Variants in CYFIP1 observed in about 807,000 individuals in gnomAD.
CYFIP1 encodes cytoplasmic FMR1 interacting protein 1.
In CYFIP1, 58 loss-of-function variants were observed where a neutral mutation model predicts 163.5. The observed-to-expected ratio is 0.35, with a 90% CI of 0.29 to 0.44. The LOEUF is 0.44. CYFIP1 is among the 20% of genes least tolerant of loss of function. The pLI is 1.00. For missense variants in CYFIP1, 1,338 were observed against 1,653.8 expected, an observed-to-expected ratio of 0.81 and a Z score of 3.31; for synonymous variants, 663 against 660.7, an observed-to-expected ratio of 1.00 and a Z score of -0.05.
Position 22,909,363 on chromosome 15 carries a change from C to T in CYFIP1, c.2269-50G>A, listed in dbSNP as rs144990778. ...AGGTAAAGAGTGGACATGAGCAGCTCGAAAACAACAAACGCCTCACCAGAG... is the reference window on the plus strand; with the variant it reads ...AGGTAAAGAGTGGACATGAGCAGCTTGAAAACAACAAACGCCTCACCAGAG... On this transcript the variant is annotated intron_variant, in intron 20 of 30. Transcript: ENST00000617928. 5.0e-6 allele frequency: 8 copies of T among 1,602,706 alleles called. No homozygotes were observed. In the African/African-American group the frequency reaches 5.4e-5, roughly 11 times the overall value.
intron 1 of CYFIP1, among the ~76,000 whole-genome samples, chr15:22,959,515 C>T (rs897065946): frequency 3.0e-4 from 45 of 152,214 alleles, no homozygotes; most frequent in Admixed American, 2.7e-3. Flanking sequence ...TGGCGTGGCC[C>T]GCATGGCCGG....
intron 23 of CYFIP1, among the ~76,000 whole-genome samples, chr15:22,890,841 C>T (rs1464269239): frequency 4.0e-5 from 6 of 151,352 alleles, no homozygotes; most frequent in Admixed American, 1.3e-4. Context: ...AGGGGCACAG[C>T]GGAGGCCGCA....
intron 27 of CYFIP1, 77 bp downstream of exon 27, chr15:22,875,122 G>T: frequency 7.3e-7 from 1 of 1,368,136 alleles, no homozygotes; most frequent in Non-Finnish European, 1.0e-6. Flanking sequence ...CTGGTCCTTA[G>T]CTCTCCGGTT....
At chr15:22,875,600 C>T (rs1177275311) in intron 26 of CYFIP1, 1 of 241,958 alleles carries the variant, frequency 4.1e-6, no homozygotes, top group South Asian at 6.5e-5. Context: ...CCAGGATTTA[C>T]CTGTCTAAAA....
At position 22,879,980 on chromosome 15, in the gene CYFIP1, A is replaced by G; in HGVS notation, c.2975T>C (p.Val992Ala). 1 of 1,613,752 alleles carries G rather than the reference A, an allele frequency of 6.2e-7. No individual in the cohort carries two copies. ...CACCTCCCGCAGGTTCTGGAAGCAC[A>G]CCGTCTTCAGCTCTGCGTACTCCAC... is the stretch of plus-strand genomic sequence containing the variant. ...DIVEYAELKT[V>A]CFQNLREVGN... Residue 992 changes from valine (V) to alanine (A), a missense_variant, in exon 26 of 31, where the codon GTG becomes GCG. Coordinates refer to ENST00000617928, the MANE Select transcript of CYFIP1 (RefSeq NM_014608.6).
At chr15:22,916,744 G>A (rs1397299592) in intron 15 of CYFIP1, 114 bp from the exon 16 acceptor site, 1 of 1,612,142 alleles carries the variant, frequency 6.2e-7, no homozygotes, top group South Asian at 1.1e-5. Context: ...TGGTCGGGAG[G>A]GCCCCGCACC....
intron 22 of CYFIP1, among the ~76,000 whole-genome samples, chr15:22,902,597 T>C (rs2060431498): frequency 6.6e-6 from 1 of 152,204 alleles, no homozygotes; most frequent in Non-Finnish European, 1.5e-5. Context: ...TTGAGGAAAA[T>C]GGACACCATA....
chr15:22,944,491 TG>T, intron 5 of CYFIP1, 66 bp downstream of exon 5: 2 of 1,027,730 alleles, frequency 1.9e-6, no homozygotes, highest in Non-Finnish European at 1.5e-6. Flanking sequence ...GTGACAGTGA[TG>T]GGTAGGAAGG....
intron 13 of CYFIP1, among the ~76,000 whole-genome samples, chr15:22,922,738 T>G (rs1433858081): frequency 6.6e-6 from 1 of 152,178 alleles, no homozygotes; most frequent in Admixed American, 6.5e-5. Context: ...ATGCCTGTAA[T>G]CCTACCACTT....
At chr15:22,894,292 T>C (rs1287292124) in intron 22 of CYFIP1, among the ~76,000 whole-genome samples, 10 of 143,096 alleles carry the variant, frequency 7.0e-5, no homozygotes, top group Non-Finnish European at 1.4e-4. Flanking sequence ...TTTTTTTTTT[T>C]TTTTTTTTTT....
rs575122688 is a variant in CYFIP1, at chr15:22,892,216, G to A, written c.2676+674C>T. Among the ~76,000 whole-genome samples the A allele has an allele frequency of 2.4e-3, 372 of 152,300 alleles. 4 individuals are homozygous for A. Among genetic ancestry groups the A allele is most frequent in the Middle Eastern group, 3.4e-3 (1 of 294 alleles). On this transcript the variant is annotated intron_variant, in intron 23 of 30. Transcript: ENST00000617928. ...ATTTGCTCTGCTCTATTTTTGTGGGGTATCTGCTCATTTCATCTCTCTTCG... is the reference window on the plus strand; with the variant it reads ...ATTTGCTCTGCTCTATTTTTGTGGGATATCTGCTCATTTCATCTCTCTTCG...
chr15:22,980,168 T>C (rs1199045953), intron 1 of CYFIP1, 119 bp downstream of exon 1: 1 of 4,434 alleles, frequency 2.3e-4, no homozygotes, highest in South Asian at 3.9e-3. Context: ...GCCGCCGGGG[T>C]TGGGGGGGAG....
rs75353098 is a variant in CYFIP1 at position 22,889,635 on chromosome 15, C to G, written c.2676+3255G>C. Among the ~76,000 whole-genome samples the G allele has an allele frequency of 3.5e-3, 535 of 152,312 alleles. 8 individuals carry two copies. The East Asian group carries it at 0.05, about 14-fold the overall frequency. On this transcript the variant is annotated intron_variant, in intron 23 of 30. Transcript: ENST00000617928. ...ACGCAGTCGGGTCGCCTGCCTACCC[C>G]CCGCCTGCCTCCCTCGCTTCCACAG...
chr15:22,900,110 A>C (rs58079895), intron 22 of CYFIP1, among the ~76,000 whole-genome samples: 10,915 of 152,226 alleles, frequency 0.072, 579 homozygotes, highest in South Asian at 0.22. Context: ...GAGGGTCACC[A>C]CATATGTGTC....
chr15:22,913,544 A>AAAG (rs1354887078), intron 17 of CYFIP1, among the ~76,000 whole-genome samples: 3 of 147,668 alleles, frequency 2.0e-5, no homozygotes, highest in African/African-American at 7.5e-5. Context: ...AAAAAAAAAA[A>AAAG]AAAAAAAGAA....
Position 22,918,813 on chromosome 15 carries a change from C to G in CYFIP1, c.1405G>C (p.Glu469Gln). ...CGGATGGCGTGGTTGAACACGCTCT[C>G]CATCCTGCCCATCAGCACCTGCAGG... Reference protein sequence around the residue: ...KGLQVLMGRMESVFNHAIRHT... With the variant: ...KGLQVLMGRMQSVFNHAIRHT... Residue 469 changes from glutamate to glutamine, a missense_variant, in exon 14 of 31, where the codon GAG becomes CAG. By Grantham distance (29) the Glu-to-Gln change is conservative (BLOSUM62 2). Around this residue, in one of 4 missense-constraint regions of CYFIP1, gnomAD observed 824 missense variants for 995.7 expected, o/e 0.83. Transcript: ENST00000617928. 6.2e-7 allele frequency: 1 copy of G among 1,612,906 alleles called. No individual in the cohort carries two copies.
At chr15:22,911,248 G>C (rs2060778945) in intron 18 of CYFIP1, among the ~76,000 whole-genome samples, 1 of 152,164 alleles carries the variant, frequency 6.6e-6, no homozygotes, top group Non-Finnish European at 1.5e-5. Context: ...ATAAACTGCA[G>C]TGTGGCCAGG....
At chr15:22,930,389 C>CAAAGA (rs869052648) in intron 11 of CYFIP1, among the ~76,000 whole-genome samples, 1 of 114,082 alleles carries the variant, frequency 8.8e-6, no homozygotes, top group African/African-American at 3.1e-5. Context: ...CCGTCTCACC[C>CAAAGA]AAAAAAAAAA....
At chr15:22,945,014 C>A in intron 3 of CYFIP1, 75 bp from the exon 4 acceptor site, 1 of 1,338,398 alleles carries the variant, frequency 7.5e-7, no homozygotes, top group Non-Finnish European at 1.1e-6. Flanking sequence ...TTGCTAAAAT[C>A]CAGACAAAGC....
Sources: allele counts gnomAD v4.1 joint callset (sites outside exome capture counted in the v4.1 genomes callset), GRCh38; gene constraint gnomAD v4.1.1; regional missense constraint gnomAD v4.1.1; transcripts MANE v1.5; gene names NCBI Gene and HGNC (gene_info 2026-07-23, HGNC 2026-07-21).